Variants in CELF2 observed in about 807,000 individuals in gnomAD.
CELF2 encodes the protein CUG triplet repeat RNA-binding protein 2.
CELF2 carries 8 observed loss-of-function variants against 62.6 expected under a neutral mutation model. That is an observed-to-expected ratio of 0.13 (90% confidence interval 0.07 to 0.23). CELF2 has a LOEUF of 0.23. CELF2 is among the 10% of genes least tolerant of loss of function. The probability of loss-of-function intolerance (pLI) is 1.00; values close to 1 mark genes in which losing one functional copy is unlikely to be tolerated. For missense variants in CELF2, 333 were observed against 671.0 expected (o/e 0.50, Z 5.56); for synonymous variants, 258 against 250.0 (o/e 1.03, Z -0.30).
chr10:10,545,743 A>T, the CELF2 span, among the ~76,000 whole-genome samples: 106 of 152,156 alleles, frequency 7.0e-4, 3 homozygotes, highest in Admixed American at 6.9e-3. Context: ...TTAACCTTCA[A>T]ATAGGAGATT....
intron 2 of CELF2, among the ~76,000 whole-genome samples, chr10:11,175,941 A>G (rs998984481): frequency 1.3e-5 from 2 of 152,180 alleles, no homozygotes; most frequent in African/African-American, 4.8e-5. Flanking sequence ...GAGAGCCACA[A>G]TTACCTCGAA....
At chr10:11,184,993 C>T (rs7084734) in intron 2 of CELF2, among the ~76,000 whole-genome samples, 22,187 of 152,132 alleles carry the variant, frequency 0.15, 2,366 homozygotes, top group African/African-American at 0.3. Context: ...CACTGAAAAG[C>T]ATGATGTAAT....
intron 1 of CELF2, among the ~76,000 whole-genome samples, chr10:11,047,073 C>G (rs2062989020): frequency 6.6e-6 from 1 of 152,144 alleles, no homozygotes; most frequent in Non-Finnish European, 1.5e-5. Flanking sequence ...ATCCTTTAAA[C>G]TCTTCCTATT....
chr10:10,930,690 T>C lies in CELF2; in HGVS notation c.89+10691T>C, dbSNP rs913491500. Reference sequence around the variant, plus strand: ...GTAAGATACAATTTTGCAGTTAGAATTCCTCATTTGCTATGTAAAAGTTGC... The same window carrying C: ...GTAAGATACAATTTTGCAGTTAGAACTCCTCATTTGCTATGTAAAAGTTGC... On this transcript the variant is annotated intron_variant, in intron 2 of 13. Coordinates refer to the CELF2 transcript ENST00000636488. Among the ~76,000 whole-genome samples the C allele has an allele frequency of 8.5e-5, 13 of 152,356 alleles. No homozygotes were observed. The East Asian group carries it at 1.9e-3, about 23-fold the overall frequency.
upstream of CELF2, among the ~76,000 whole-genome samples, chr10:11,013,339 C>T (rs1309550050): frequency 1.3e-5 from 2 of 152,146 alleles, no homozygotes; most frequent in African/African-American, 4.8e-5. This position sits in a 1 kb window ranked among gnomAD's most constrained non-coding sequence, Gnocchi z 4.1. Context: ...AAGGAAAGGG[C>T]AAGTTAGAGA....
the CELF2 span, among the ~76,000 whole-genome samples, chr10:10,490,380 C>G: frequency 6.6e-6 from 1 of 152,090 alleles, no homozygotes; most frequent in Non-Finnish European, 1.5e-5. Flanking sequence ...GTGGAAAATG[C>G]CTTTGTCCAG....
At chr10:11,154,493 T>G (rs2063919459) in intron 1 of CELF2, among the ~76,000 whole-genome samples, 1 of 152,240 alleles carries the variant, frequency 6.6e-6, no homozygotes, top group African/African-American at 2.4e-5. Context: ...ACATGCAGGA[T>G]GAGGTGGCCT....
rs534048603 is a variant in CELF2, at chr10:11,288,321, C to T, written c.842-97C>T. ...GACCTTGCACAGGGTCGTCTGCTCT[C>T]ATCATGTGTCCTGACGATTTGATGA... On this transcript the variant is annotated intron_variant, in intron 8 of 12. Transcript: ENST00000633077. The T allele has an allele frequency of 2.5e-5, 37 of 1,497,984 alleles. No individual in the cohort carries two copies. In the South Asian group the frequency reaches 4.6e-4, roughly 19 times the overall value. 92.8% of individuals were successfully genotyped at this position (1,497,984 alleles called of 1,614,324 possible). A position where few individuals can be genotyped will look rare whatever the true frequency, so the allele number is the denominator to read the frequency against.
In CELF2 at chr10:10,877,343, C is replaced by T. The variant is rs183852770; in HGVS notation, c.54-42621C>T. On this transcript the variant is annotated intron_variant, in intron 1 of 13. Coordinates refer to the CELF2 transcript ENST00000636488. ...GATCAGAGCACAGTTTGGTTTTATA[C>T]ATTTTAGGGAGACATGAGACATCAA... Among the ~76,000 whole-genome samples, 29 of 152,332 alleles carry T rather than the reference C, an allele frequency of 1.9e-4. No individual in the cohort carries two copies. In the East Asian group the frequency reaches 4.4e-3, roughly 23 times the overall value.
rs2074564067 is a variant in CELF2, at chr10:11,185,326, C to T, written c.271+19644C>T. Among the ~76,000 whole-genome samples, 3 of 152,228 alleles carry T rather than the reference C, an allele frequency of 2.0e-5. No individual in the cohort carries two copies. In the South Asian group the frequency reaches 6.2e-4, roughly 32 times the overall value. ...AAGTGCTGGAATTACAGGTGCACGT[C>T]ACCACACCCAGCTATATTGACTGAT... On this transcript the variant is annotated intron_variant, in intron 2 of 12. Coordinates refer to ENST00000633077, the MANE Select transcript of CELF2 (RefSeq NM_001326342.2).
chr10:11,284,001 GGGATGAGTGTGTGGTGGGTGGATGAT>G (rs2090092001), intron 8 of CELF2, among the ~76,000 whole-genome samples: 1 of 145,046 alleles, frequency 6.9e-6, no homozygotes, highest in African/African-American at 2.6e-5. Flanking sequence ...GAGTGGATGA[GGGATGAGTGTGTGGTGGGTGGATGAT>G]GGATGAGTGT....
At chr10:10,508,044 C>T in the CELF2 span, among the ~76,000 whole-genome samples, 1 of 152,056 alleles carries the variant, frequency 6.6e-6, no homozygotes, top group Admixed American at 6.6e-5. Flanking sequence ...GAGGAAAGAG[C>T]CTTTGCAAAA....
chr10:10,660,544 T>C, the CELF2 span, among the ~76,000 whole-genome samples: 1 of 152,238 alleles, frequency 6.6e-6, no homozygotes, highest in African/African-American at 2.4e-5. Context: ...CTATGCCTAG[T>C]ACAGTACTTC....
In CELF2 at chr10:10,931,799, A is replaced by G. The variant is rs1470244776; in HGVS notation, c.89+11800A>G. Among the ~76,000 whole-genome samples, 1 of 152,176 alleles carries G rather than the reference A, an allele frequency of 6.6e-6. No individual in the cohort carries two copies. The highest frequency in any genetic ancestry group is 2.4e-5 in the African/African-American group (1 of 41,444). On this transcript the variant is annotated intron_variant, in intron 2 of 13. Coordinates refer to the CELF2 transcript ENST00000636488. This position sits in a 1 kb window ranked among gnomAD's most constrained non-coding sequence, Gnocchi z 6.1. ...GCTAATAAAGACATACCCACAACTGAGTAATTTATAAAGACATGAGGTTTA... is the reference window on the plus strand; with the variant it reads ...GCTAATAAAGACATACCCACAACTGGGTAATTTATAAAGACATGAGGTTTA...
rs541672442 is a variant in CELF2 at position 11,105,765 on chromosome 10, C to A, written c.75-59721C>A. Among the ~76,000 whole-genome samples the A allele has an allele frequency of 2.0e-5, 3 of 152,336 alleles. No homozygotes were observed. The South Asian group carries it at 6.2e-4, about 32-fold the overall frequency. On this transcript the variant is annotated intron_variant, in intron 1 of 12. Transcript: ENST00000633077. ...CCTTCACACATCTCTGCTCTGGGAT[C>A]CTGTGCTCTTTCCCGCTGCATGTCC...
chr10:11,222,920 A>G (rs1446951384), intron 3 of CELF2, among the ~76,000 whole-genome samples: 13 of 152,204 alleles, frequency 8.5e-5, no homozygotes, highest in Non-Finnish European at 1.3e-4. Flanking sequence ...GTGTATGTCT[A>G]TATGCCCATA....
At chr10:10,631,129 C>G in the CELF2 span, among the ~76,000 whole-genome samples, 2 of 152,152 alleles carry the variant, frequency 1.3e-5, no homozygotes, top group African/African-American at 2.4e-5. Flanking sequence ...TGTTTTATTC[C>G]TATGAGTAAT....
At chr10:10,920,207 A>G (rs745509048) in intron 2 of CELF2, among the ~76,000 whole-genome samples, 63 of 152,232 alleles carry the variant, frequency 4.1e-4, no homozygotes, top group Non-Finnish European at 3.1e-4. Context: ...TCATGTTCAT[A>G]AATGACTTAG....
At chr10:10,655,481 G>T in the CELF2 span, among the ~76,000 whole-genome samples, 1 of 127,468 alleles carries the variant, frequency 7.8e-6, no homozygotes, top group African/African-American at 2.8e-5. Context: ...ATACTACAAG[G>T]CTATAGTAAC....
Sources: gnomAD v4.1 joint callset for allele counts (sites outside exome capture counted in the v4.1 genomes callset) on GRCh38, gnomAD v4.1.1 for gene constraint, Gnocchi (gnomAD v3.1) non-coding constraint, MANE v1.5 for transcripts, NCBI Gene and HGNC (gene_info 2026-07-23, HGNC 2026-07-21) for gene names.